The following CDH13 variants were observed in gnomAD, a reference collection of about 807,000 sequenced individuals.
CDH13 encodes cadherin 13.
A neutral mutation model predicts 63.8 loss-of-function variants in CDH13; 24 were observed. The ratio of observed to expected loss-of-function variants is 0.38; its 90% CI spans 0.27 to 0.53. The LOEUF is 0.53. CDH13 is among the 20% of genes least tolerant of loss of function. The pLI is 0.85. For missense variants in CDH13, 1,049 were observed against 903.1 expected, an observed-to-expected ratio of 1.16 and a Z score of -2.07; for synonymous variants, 503 against 355.3, an observed-to-expected ratio of 1.42 and a Z score of -4.67.
chr16:82,896,154 G>A (rs918302663), intron 2 of CDH13, among the ~76,000 whole-genome samples: 1 of 151,982 alleles, frequency 6.6e-6, no homozygotes, highest in African/African-American at 2.4e-5. Context: ...AGAAGTATAG[G>A]CTTCATGGTG....
At chr16:83,350,158 C>T (rs924594820) in intron 6 of CDH13, among the ~76,000 whole-genome samples, 2 of 152,168 alleles carry the variant, frequency 1.3e-5, no homozygotes, top group African/African-American at 4.8e-5. Context: ...CTCCAATATC[C>T]TGTCCTCTTG....
intron 1 of CDH13, among the ~76,000 whole-genome samples, chr16:82,749,159 AAGAG>A (rs775367046): frequency 4.6e-5 from 7 of 151,538 alleles, no homozygotes; most frequent in Non-Finnish European, 1.0e-4. Flanking sequence ...TGCAGAGAGA[AAGAG>A]AGAGAGAGAG....
chr16:82,769,597 T>A (rs1252283910), intron 1 of CDH13, among the ~76,000 whole-genome samples: 1 of 152,180 alleles, frequency 6.6e-6, no homozygotes, highest in East Asian at 1.9e-4. Context: ...TACATATAAG[T>A]GAATGAATAT....
chr16:83,465,080 G>A (rs1440346910), intron 6 of CDH13, among the ~76,000 whole-genome samples: 3 of 152,190 alleles, frequency 2.0e-5, no homozygotes, highest in African/African-American at 4.8e-5. Context: ...GACAGAAGGC[G>A]GCAGACAAAG....
Position 83,622,959 on chromosome 16 carries a change from T to C in CDH13, c.1101+20365T>C, listed in dbSNP as rs563491664. 7.9e-5 allele frequency among the ~76,000 whole-genome samples: 12 copies of C among 152,234 alleles called. No homozygotes were observed. In the South Asian group the frequency reaches 2.3e-3, roughly 29 times the overall value. ...TTAGCAGGGAGGACAGGTATAAAAA[T>C]AGTACAAGGGTGAATCTTACAAATA... On this transcript the variant is annotated intron_variant, in intron 8 of 13. Coordinates refer to ENST00000567109, the MANE Select transcript of CDH13 (RefSeq NM_001257.5).
At chr16:83,506,218 A>G (rs1167873958) in intron 7 of CDH13, among the ~76,000 whole-genome samples, 1 of 152,222 alleles carries the variant, frequency 6.6e-6, no homozygotes, top group Non-Finnish European at 1.5e-5. Flanking sequence ...AAGGCTGGTC[A>G]GAGTGAAGAG....
chr16:83,285,330 G>C (rs1166665720), intron 5 of CDH13, among the ~76,000 whole-genome samples: 1 of 152,114 alleles, frequency 6.6e-6, no homozygotes, highest in East Asian at 1.9e-4. Context: ...TTGTCCATTT[G>C]AGGTGAAATC....
chr16:83,785,616 A>T (rs938547745), intron 13 of CDH13, among the ~76,000 whole-genome samples: 13 of 152,118 alleles, frequency 8.5e-5, no homozygotes, highest in Non-Finnish European at 1.9e-4. Flanking sequence ...TCCCTTCGTG[A>T]GGGTATGCTG....
chr16:83,102,254 A>G (rs2034515436), intron 3 of CDH13, among the ~76,000 whole-genome samples: 1 of 152,138 alleles, frequency 6.6e-6, no homozygotes, highest in South Asian at 2.1e-4. Context: ...GGGACATTCG[A>G]CCCCAGAAAT....
chr16:83,378,289 G>C (rs1178138865), intron 6 of CDH13, among the ~76,000 whole-genome samples: 1 of 152,150 alleles, frequency 6.6e-6, no homozygotes. Flanking sequence ...GACTAGGAGT[G>C]GGAGAGCTGT....
intron 2 of CDH13, among the ~76,000 whole-genome samples, chr16:82,929,506 G>T (rs529356649): frequency 2.0e-5 from 3 of 151,590 alleles, no homozygotes; most frequent in African/African-American, 7.3e-5. Context: ...AAAAAAATTA[G>T]CTGGGCATGG....
At chr16:83,351,695 T>A (rs137865159) in intron 6 of CDH13, among the ~76,000 whole-genome samples, 1 of 152,354 alleles carries the variant, frequency 6.6e-6, no homozygotes, top group African/African-American at 2.4e-5. Flanking sequence ...GCTCATCTCT[T>A]CCCATGTTTG....
chr16:82,767,454 C>G (rs913974922), intron 1 of CDH13, among the ~76,000 whole-genome samples: 2 of 152,178 alleles, frequency 1.3e-5, no homozygotes, highest in African/African-American at 4.8e-5. Context: ...AGGATCCTTG[C>G]ATGTTGTTGC....
intron 7 of CDH13, among the ~76,000 whole-genome samples, chr16:83,499,543 C>G (rs904602951): frequency 2.0e-5 from 3 of 152,216 alleles, no homozygotes; most frequent in Admixed American, 2.0e-4. Context: ...ATTCTTCTCT[C>G]ATATCATTGT....
intron 6 of CDH13, among the ~76,000 whole-genome samples, chr16:83,478,805 C>A (rs1414550309): frequency 6.8e-6 from 1 of 147,030 alleles, no homozygotes; most frequent in African/African-American, 2.5e-5. Flanking sequence ...AACCTCCCAC[C>A]TGGCTGGCCA....
chr16:83,688,450 C>T (rs1904527618), intron 10 of CDH13, among the ~76,000 whole-genome samples: 1 of 152,142 alleles, frequency 6.6e-6, no homozygotes, highest in Non-Finnish European at 1.5e-5. Context: ...GTGACTCCCA[C>T]CTTTTAAATT....
chr16:82,667,257 C>T (rs370152012), intron 1 of CDH13, among the ~76,000 whole-genome samples: 1 of 152,088 alleles, frequency 6.6e-6, no homozygotes, highest in African/African-American at 2.4e-5. Context: ...ACATTTCTAT[C>T]GTATTAGGGA....
chr16:83,558,355 T>C (rs2075641681), intron 7 of CDH13, among the ~76,000 whole-genome samples: 1 of 152,114 alleles, frequency 6.6e-6, no homozygotes, highest in African/African-American at 2.4e-5. Context: ...GATACTTCCA[T>C]CAAAAACAAA....
intron 5 of CDH13, among the ~76,000 whole-genome samples, chr16:83,268,206 T>C (rs2088683759): frequency 6.6e-6 from 1 of 152,216 alleles, no homozygotes; most frequent in African/African-American, 2.4e-5. Context: ...AGTTTGTCTT[T>C]AGAACAGTGG....
Sources: gnomAD v4.1 joint callset for allele counts (sites outside exome capture counted in the v4.1 genomes callset) on GRCh38, gnomAD v4.1.1 for gene constraint, MANE v1.5 for transcripts, NCBI Gene and HGNC (gene_info 2026-07-23, HGNC 2026-07-21) for gene names.